Variants in SEC24B observed in about 807,000 individuals in gnomAD.
SEC24B encodes protein transport protein Sec24B.
SEC24B carries 45 observed loss-of-function variants against 142.8 expected under a neutral mutation model. The observed-to-expected ratio is 0.32, with a 90% CI of 0.25 to 0.40. The LOEUF (loss-of-function observed/expected upper bound fraction) is 0.40, where lower values mean the gene tolerates loss of function less well. Ranked by LOEUF, SEC24B falls within the 10% of genes least tolerant of loss-of-function variation. SEC24B has a pLI of 1.00. For missense variants in SEC24B, 1,409 were observed against 1,526.8 expected (o/e 0.92, Z 1.29); for synonymous variants, 574 against 568.2 (o/e 1.01, Z -0.15).
chr4:109,533,206 A>T (rs1489338745), intron 21 of SEC24B, among the ~76,000 whole-genome samples: 2 of 152,186 alleles, frequency 1.3e-5, no homozygotes, highest in Non-Finnish European at 2.9e-5. Context: ...AATGGTTAAG[A>T]TGGCTTCAAA....
intron 1 of SEC24B, among the ~76,000 whole-genome samples, chr4:109,440,380 G>A (rs1307079287): frequency 2.6e-5 from 4 of 152,006 alleles, no homozygotes; most frequent in Non-Finnish European, 4.4e-5. Flanking sequence ...TATGCTAAAG[G>A]TATTAGAATA....
chr4:109,481,121 C>A (rs1473161610), intron 3 of SEC24B, among the ~76,000 whole-genome samples: 1 of 152,138 alleles, frequency 6.6e-6, no homozygotes, highest in Non-Finnish European at 1.5e-5. Flanking sequence ...CCCCGTCCCC[C>A]ACTCCCAGAG....
intron 1 of SEC24B, chr4:109,449,308 T>A (rs1729808261): frequency 8.8e-6 from 3 of 339,704 alleles, no homozygotes; most frequent in African/African-American, 4.4e-5. Context: ...ACTGAAGCCT[T>A]GACCTCCCAG....
chr4:109,482,551 A>C (rs780397788), intron 4 of SEC24B, among the ~76,000 whole-genome samples: 4 of 152,178 alleles, frequency 2.6e-5, no homozygotes, highest in Non-Finnish European at 5.9e-5. Flanking sequence ...ATGGGACTCA[A>C]GTCTAAATAC....
At chr4:109,437,825 A>T (rs915442679) in intron 1 of SEC24B, among the ~76,000 whole-genome samples, 1 of 152,094 alleles carries the variant, frequency 6.6e-6, no homozygotes, top group Non-Finnish European at 1.5e-5. Context: ...GAGTTTCACC[A>T]TGTTGGCCAG....
intron 14 of SEC24B, among the ~76,000 whole-genome samples, chr4:109,521,873 A>T (rs1263051101): frequency 1.3e-5 from 2 of 151,860 alleles, no homozygotes; most frequent in Non-Finnish European, 2.9e-5. Flanking sequence ...CTGGGATTAC[A>T]GGCGTGCACC....
intron 4 of SEC24B, among the ~76,000 whole-genome samples, chr4:109,482,979 T>TATATACACACACACACACACAC (rs781527364): frequency 3.8e-5 from 1 of 26,406 alleles, no homozygotes; most frequent in African/African-American, 1.2e-4. Context: ...TATATATATA[T>TATATACACACACACACACACAC]ACACACACAC....
intron 1 of SEC24B, among the ~76,000 whole-genome samples, chr4:109,441,048 G>A (rs1193663106): frequency 6.6e-6 from 1 of 152,108 alleles, no homozygotes; most frequent in Non-Finnish European, 1.5e-5. Context: ...AAGTTTAATG[G>A]GTTTTAAGTT....
chr4:109,501,954 TAAAG>T (rs546230286), intron 6 of SEC24B, among the ~76,000 whole-genome samples: 8 of 152,060 alleles, frequency 5.3e-5, no homozygotes, highest in South Asian at 2.1e-4. Flanking sequence ...AGTAAACAAA[TAAAG>T]AATTAATTTC....
chr4:109,480,875 T>A (rs1460314804), intron 3 of SEC24B, among the ~76,000 whole-genome samples: 2 of 152,218 alleles, frequency 1.3e-5, no homozygotes, highest in African/African-American at 4.8e-5. Flanking sequence ...ATAATAGAAA[T>A]ACCCAATTAC....
At chr4:109,505,101 T>C (rs1295156040) in intron 6 of SEC24B, among the ~76,000 whole-genome samples, 2 of 152,042 alleles carry the variant, frequency 1.3e-5, no homozygotes, top group Non-Finnish European at 2.9e-5. Context: ...AAATAAGATA[T>C]CTCTGAATAC....
intron 1 of SEC24B, among the ~76,000 whole-genome samples, chr4:109,442,924 T>G (rs776982791): frequency 6.6e-6 from 1 of 152,160 alleles, no homozygotes; most frequent in African/African-American, 2.4e-5. Flanking sequence ...ATGTCAAATG[T>G]TTTTTTCCCT....
intron 16 of SEC24B, 68 bp from the exon 17 acceptor site, chr4:109,526,158 A>C (rs1578987608): frequency 6.8e-7 from 1 of 1,463,580 alleles, no homozygotes; most frequent in Non-Finnish European, 9.4e-7. Context: ...TTGACTTAAA[A>C]AAGTAACTTT....
In SEC24B at chr4:109,510,070, C is replaced by G. The variant is rs772453813; in HGVS notation, c.1735C>G (p.Leu579Val). ...QTQALLNKAK[L>V]PLGLLLHPFR... ...ACAGGCTTTACTGAATAAAGCTAAGCTTCCTTTAGGATTGTTGTTACATCC... is the reference window on the plus strand; with the variant it reads ...ACAGGCTTTACTGAATAAAGCTAAGGTTCCTTTAGGATTGTTGTTACATCC... The change falls in exon 8 of 24, where the codon CTT becomes GTT. Residue 579 changes from leucine to valine, a missense_variant. This residue lies in a region of SEC24B where 700 missense variants were observed against 853.3 expected (regional missense o/e 0.82). Transcript: ENST00000265175. 10 of 1,609,794 alleles carry G rather than the reference C, an allele frequency of 6.2e-6. No individual in the cohort carries two copies. The Admixed American group carries it at 1.5e-4, about 24-fold the overall frequency.
At chr4:109,467,255 G>A (rs1732017755) in intron 2 of SEC24B, among the ~76,000 whole-genome samples, 1 of 150,350 alleles carries the variant, frequency 6.7e-6, no homozygotes, top group Admixed American at 6.6e-5. Flanking sequence ...GAACCCGGGA[G>A]GCGGAGCTTG....
In SEC24B at chr4:109,481,733, T is replaced by A; in HGVS notation, c.1117T>A (p.Ser373Thr). 1 of 1,613,914 alleles carries A rather than the reference T, an allele frequency of 6.2e-7. No homozygotes were observed. The highest frequency in any genetic ancestry group is 8.5e-7 in the Non-Finnish European group (1 of 1,179,830). Residue 373 changes from serine (S) to threonine (T), a missense_variant, in exon 4 of 24, where the codon TCA becomes ACA. By Grantham distance (58) the Ser-to-Thr change is moderately conservative. Coordinates refer to ENST00000265175, the MANE Select transcript of SEC24B (RefSeq NM_006323.5). ...NQASSAPTPL[S>T]STSDDEEEEE... is the part of the protein sequence containing the mutation. ...AGCTAGCTCCGCACCAACTCCCTTG[T>A]CATCAACTTCCGATGATGAGGAAGA... is the stretch of plus-strand genomic sequence containing the variant.
At chr4:109,477,964 C>T (rs1733345938) in intron 3 of SEC24B, among the ~76,000 whole-genome samples, 1 of 152,002 alleles carries the variant, frequency 6.6e-6, no homozygotes. Context: ...ACTTGGTAGT[C>T]CTAGAAAATA....
chr4:109,498,463 C>G (rs1199331804), intron 6 of SEC24B, among the ~76,000 whole-genome samples: 2 of 152,294 alleles, frequency 1.3e-5, no homozygotes, highest in East Asian at 3.9e-4. Context: ...CTTCCAGATT[C>G]AAGCGATTCT....
At chr4:109,456,334 GTTTTTT>G (rs70949081) in intron 1 of SEC24B, among the ~76,000 whole-genome samples, 1 of 94,106 alleles carries the variant, frequency 1.1e-5, no homozygotes, top group Non-Finnish European at 2.1e-5. Context: ...GGTTTTTTTT[GTTTTTT>G]TTTTTTTTTT....
Sources: gnomAD v4.1 joint callset for allele counts (sites outside exome capture counted in the v4.1 genomes callset) on GRCh38, gnomAD v4.1.1 for gene constraint, gnomAD v4.1.1 regional missense constraint, MANE v1.5 for transcripts, NCBI Gene and HGNC (gene_info 2026-07-23, HGNC 2026-07-21) for gene names.